HECW1: variants seen among roughly 807,000 people sequenced by gnomAD.
The protein encoded by HECW1 is E3 ubiquitin-protein ligase HECW1.
In HECW1, 61 loss-of-function variants were observed where a neutral mutation model predicts 182.3. The ratio of observed to expected loss-of-function variants is 0.33; its 90% CI spans 0.27 to 0.41. HECW1 has a LOEUF of 0.41. HECW1 is among the 10% of genes least tolerant of loss of function. The pLI, the probability that HECW1 is intolerant of heterozygous loss-of-function variation, is 1.00. For missense variants in HECW1, 1,739 were observed against 2,108.9 expected, an observed-to-expected ratio of 0.82 and a Z score of 3.44; for synonymous variants, 859 against 832.6, an observed-to-expected ratio of 1.03 and a Z score of -0.55.
At chr7:43,283,282 TCA>T (rs1165668326) in intron 3 of HECW1, among the ~76,000 whole-genome samples, 17 of 152,108 alleles carry the variant, frequency 1.1e-4, no homozygotes, top group Non-Finnish European at 2.4e-4. Context: ...TCTCATTATC[TCA>T]CGAGTGAACA....
chr7:43,362,859 C>T (rs577824078), intron 6 of HECW1, among the ~76,000 whole-genome samples: 1 of 152,348 alleles, frequency 6.6e-6, no homozygotes, highest in South Asian at 2.1e-4. Context: ...GAGGCAGACA[C>T]AAGGATCCCT....
chr7:43,270,777 A>G (rs1401415546), intron 3 of HECW1, among the ~76,000 whole-genome samples: 1 of 152,244 alleles, frequency 6.6e-6, no homozygotes, highest in East Asian at 1.9e-4. Flanking sequence ...GAGTTAAATA[A>G]TGTGGCAATA....
chr7:43,216,581 A>T (rs1796462404), intron 2 of HECW1, among the ~76,000 whole-genome samples: 1 of 151,952 alleles, frequency 6.6e-6, no homozygotes, highest in African/African-American at 2.4e-5. Context: ...TGCTCCCCAG[A>T]TGCCGTGTTA....
chr7:43,524,642 T>C (rs964188932), intron 24 of HECW1, among the ~76,000 whole-genome samples: 2 of 152,244 alleles, frequency 1.3e-5, no homozygotes, highest in Admixed American at 6.5e-5. Flanking sequence ...AACATTATTA[T>C]CCCTTATTTG....
chr7:43,344,820 T>C (rs1406497789), intron 5 of HECW1, among the ~76,000 whole-genome samples: 3 of 152,216 alleles, frequency 2.0e-5, no homozygotes, highest in Non-Finnish European at 4.4e-5. Flanking sequence ...GAGTTCACTA[T>C]TTCAAAGTAC....
intron 3 of HECW1, among the ~76,000 whole-genome samples, chr7:43,310,341 G>C (rs1388269963): frequency 1.3e-5 from 2 of 152,192 alleles, no homozygotes; most frequent in African/African-American, 2.4e-5. Context: ...TTCCTGAGAG[G>C]AGGGATGGTT....
At chr7:43,368,410 T>C (rs1816910075) in intron 6 of HECW1, among the ~76,000 whole-genome samples, 1 of 152,236 alleles carries the variant, frequency 6.6e-6, no homozygotes, top group Non-Finnish European at 1.5e-5. Context: ...TGGCAGCTTA[T>C]TCATAAATGT....
intron 24 of HECW1, among the ~76,000 whole-genome samples, chr7:43,540,419 G>C (rs1236601106): frequency 6.6e-6 from 1 of 152,198 alleles, no homozygotes; most frequent in East Asian, 1.9e-4. Flanking sequence ...TTAGGAGCAG[G>C]CAACAATGGA....
intron 2 of HECW1, among the ~76,000 whole-genome samples, chr7:43,186,932 G>A (rs1035794913): frequency 6.6e-6 from 1 of 152,130 alleles, no homozygotes; most frequent in African/African-American, 2.4e-5. Context: ...CATTTCTCAG[G>A]ACATATCCCA....
chr7:43,120,153 C>T (rs1583573234), intron 2 of HECW1, among the ~76,000 whole-genome samples: 1 of 152,142 alleles, frequency 6.6e-6, no homozygotes, highest in South Asian at 2.1e-4. Context: ...AACCCAAACT[C>T]CTTACTTTGC....
rs531220629 is a variant in HECW1 at position 43,496,695 on chromosome 7, G to A, written c.3437+3515G>A. On this transcript the variant is annotated intron_variant, in intron 19 of 29. Coordinates refer to ENST00000395891, the MANE Select transcript of HECW1 (RefSeq NM_015052.5). ...ATTGCTATTCTCAGGGAGTCATGGA[G>A]TCTCTGTCTTGGGTCTGCAAAGCCA... is the stretch of plus-strand genomic sequence containing the variant. 5.1e-4 allele frequency among the ~76,000 whole-genome samples: 77 copies of A among 152,324 alleles called. 1 individual carries two copies. Among genetic ancestry groups the A allele is most frequent in the African/African-American group, 1.8e-3 (75 of 41,570 alleles).
intron 29 of HECW1, among the ~76,000 whole-genome samples, chr7:43,556,361 C>A (rs1459368465): frequency 1.3e-5 from 2 of 152,140 alleles, no homozygotes; most frequent in East Asian, 3.8e-4. Context: ...ACAGGGGATG[C>A]AGTTGAGAAA....
chr7:43,176,034 C>A (rs1449263492), intron 2 of HECW1, among the ~76,000 whole-genome samples: 2 of 152,154 alleles, frequency 1.3e-5, no homozygotes, highest in Non-Finnish European at 2.9e-5. Flanking sequence ...GTTTTCTCAG[C>A]AAAATGTTTA....
At chr7:43,195,699 G>A (rs4724184) in intron 2 of HECW1, among the ~76,000 whole-genome samples, 12,871 of 152,168 alleles carry the variant, frequency 0.085, 773 homozygotes, top group East Asian at 0.27. Flanking sequence ...ATGAAAGTTG[G>A]GAGATTTATT....
intron 13 of HECW1, among the ~76,000 whole-genome samples, chr7:43,462,371 G>A (rs2077616406): frequency 6.6e-6 from 1 of 151,874 alleles, no homozygotes; most frequent in African/African-American, 2.4e-5. Flanking sequence ...ATGTACATCT[G>A]GCCCTGCCTG....
At chr7:43,503,008 GA>G (rs2079428689) in intron 21 of HECW1, among the ~76,000 whole-genome samples, 1 of 152,168 alleles carries the variant, frequency 6.6e-6, no homozygotes, top group African/African-American at 2.4e-5. Flanking sequence ...CTCCAGACTA[GA>G]GTATCTTTTA....
At chr7:43,544,776 T>C (rs2081492321) in intron 26 of HECW1, among the ~76,000 whole-genome samples, 1 of 152,060 alleles carries the variant, frequency 6.6e-6, no homozygotes, top group South Asian at 2.1e-4. Context: ...TCATGTGGGG[T>C]TATTAAAAAG....
At chr7:43,549,254 A>G (rs1032215735) in intron 26 of HECW1, among the ~76,000 whole-genome samples, 6 of 152,250 alleles carry the variant, frequency 3.9e-5, no homozygotes, top group African/African-American at 1.4e-4. Context: ...AAAATCAGAC[A>G]TTCCAAAGAA....
At chr7:43,296,449 G>C (rs750430671) in intron 3 of HECW1, among the ~76,000 whole-genome samples, 3 of 152,144 alleles carry the variant, frequency 2.0e-5, no homozygotes, top group Non-Finnish European at 4.4e-5. Context: ...AGTGGTGACA[G>C]TGAGGCCCCT....
Sources: allele counts gnomAD v4.1 joint callset (sites outside exome capture counted in the v4.1 genomes callset), GRCh38; gene constraint gnomAD v4.1.1; transcripts MANE v1.5; gene names NCBI Gene and HGNC (gene_info 2026-07-23, HGNC 2026-07-21).